ASIC2: variants seen among roughly 807,000 people sequenced by gnomAD.
The protein encoded by ASIC2 is acid-sensing ion channel 2.
ASIC2 carries 25 observed loss-of-function variants against 57.3 expected under a neutral mutation model. That is an observed-to-expected ratio of 0.44 (90% CI 0.32 to 0.61). The LOEUF (loss-of-function observed/expected upper bound fraction) is 0.61. Among genes scored for constraint, ASIC2 ranks in the 20% least tolerant of loss-of-function variants. The pLI, the probability that ASIC2 is intolerant of heterozygous loss-of-function variation, is 0.06. For synonymous variants in ASIC2, 319 were observed against 307.5 expected, an observed-to-expected ratio of 1.04 and a Z score of -0.39; for missense variants, 641 against 738.1, an observed-to-expected ratio of 0.87 and a Z score of 1.52.
intron 1 of ASIC2, among the ~76,000 whole-genome samples, chr17:33,571,105 C>T (rs1216749548): frequency 1.3e-5 from 2 of 152,152 alleles, no homozygotes; most frequent in African/African-American, 4.8e-5. Flanking sequence ...TAATCTCCCC[C>T]AGAAGCGTAC....
At chr17:33,904,906 C>G (rs1458624907) in intron 1 of ASIC2, among the ~76,000 whole-genome samples, 2 of 152,166 alleles carry the variant, frequency 1.3e-5, no homozygotes, top group African/African-American at 4.8e-5. Flanking sequence ...AGAAGGCTAA[C>G]AGCCTTAATT....
chr17:33,563,780 G>C (rs1666169707), intron 1 of ASIC2, among the ~76,000 whole-genome samples: 1 of 152,180 alleles, frequency 6.6e-6, no homozygotes, highest in Non-Finnish European at 1.5e-5. Context: ...CACATGGGGA[G>C]TGACTTGCCC....
chr17:33,358,573 A>T (rs1207734377), intron 1 of ASIC2, among the ~76,000 whole-genome samples: 1 of 152,346 alleles, frequency 6.6e-6, no homozygotes, highest in East Asian at 1.9e-4. Flanking sequence ...TGCACAATAC[A>T]TAAGCTTGGC....
At chr17:33,969,921 A>G (rs1905178436) in intron 1 of ASIC2, among the ~76,000 whole-genome samples, 1 of 152,090 alleles carries the variant, frequency 6.6e-6, no homozygotes, top group African/African-American at 2.4e-5. Context: ...ACTCTGGGCT[A>G]GGGGTCTGGG....
intron 1 of ASIC2, among the ~76,000 whole-genome samples, chr17:33,680,019 G>A (rs1461230524): frequency 6.6e-6 from 1 of 151,960 alleles, no homozygotes; most frequent in Non-Finnish European, 1.5e-5. Flanking sequence ...ATACTGGGGG[G>A]TACTGGGATA....
chr17:34,083,004 T>A (rs886825447), intron 1 of ASIC2, among the ~76,000 whole-genome samples: 5 of 149,398 alleles, frequency 3.3e-5, no homozygotes, highest in African/African-American at 1.3e-4. Context: ...TTCTTGTTTT[T>A]TTTTCCTTTG....
intron 1 of ASIC2, among the ~76,000 whole-genome samples, chr17:33,165,036 G>T (rs902475088): frequency 1.3e-5 from 2 of 152,164 alleles, no homozygotes; most frequent in African/African-American, 4.8e-5. Flanking sequence ...TGTATTAAAA[G>T]CTGTTTGAGG....
At chr17:33,930,768 A>T (rs1915913876) in intron 1 of ASIC2, among the ~76,000 whole-genome samples, 1 of 152,198 alleles carries the variant, frequency 6.6e-6, no homozygotes, top group Non-Finnish European at 1.5e-5. Context: ...GCCATGTGTG[A>T]GTCCAGGGAG....
In ASIC2 at chr17:34,122,823, G is replaced by A. The variant is rs530890238; in HGVS notation, c.555+33155C>T. Among the ~76,000 whole-genome samples the A allele has an allele frequency of 4.4e-3, 676 of 152,266 alleles. 7 individuals are homozygous for A. Among genetic ancestry groups the A allele is most frequent in the Middle Eastern group, 0.031 (9 of 294 alleles). On this transcript the variant is annotated intron_variant, in intron 1 of 9. Transcript: ENST00000359872. ...ATAAATCAATTTTCATCAGAGCAGC[G>A]CTCCTGACACCACCCTGACAAATCA...
chr17:33,727,244 A>G (rs897541920), intron 1 of ASIC2, among the ~76,000 whole-genome samples: 1 of 152,200 alleles, frequency 6.6e-6, no homozygotes, highest in Non-Finnish European at 1.5e-5. Context: ...ATTTTCCAGG[A>G]AAGTTCCAAG....
At chr17:33,859,634 G>A (rs552805278) in intron 1 of ASIC2, among the ~76,000 whole-genome samples, 18 of 152,310 alleles carry the variant, frequency 1.2e-4, no homozygotes. Flanking sequence ...AAGCGCTGGA[G>A]CTGGCAGTGA....
At chr17:33,402,673 T>A (rs972916761) in intron 1 of ASIC2, among the ~76,000 whole-genome samples, 40 of 152,222 alleles carry the variant, frequency 2.6e-4, no homozygotes, top group African/African-American at 9.6e-4. Flanking sequence ...ACATTGTCTT[T>A]ATCTAGTCTA....
At chr17:33,108,533 G>A (rs73982425) in intron 2 of ASIC2, among the ~76,000 whole-genome samples, 7,400 of 152,230 alleles carry the variant, frequency 0.049, 545 homozygotes, top group African/African-American at 0.16. Context: ...TCCTCAGGTG[G>A]CTTTACAGAC....
rs1908319876 is a variant in ASIC2, at chr17:33,690,155, C to A, written c.555+465823G>T. 2.0e-5 allele frequency among the ~76,000 whole-genome samples: 3 copies of A among 152,274 alleles called. No homozygotes were observed. The South Asian group carries it at 6.2e-4, about 32-fold the overall frequency. ...CACCTTGCTTTTTTAACTTAAAATT[C>A]TATTATAGAAATCTCTTCATATCAA... is the stretch of plus-strand genomic sequence containing the variant. On this transcript the variant is annotated intron_variant, in intron 1 of 9. Transcript: ENST00000359872.
At chr17:33,643,234 T>C (rs1906639198) in intron 1 of ASIC2, among the ~76,000 whole-genome samples, 1 of 152,194 alleles carries the variant, frequency 6.6e-6, no homozygotes, top group African/African-American at 2.4e-5. Flanking sequence ...CATTTTTTTC[T>C]TTCTGGGTGA....
intron 1 of ASIC2, among the ~76,000 whole-genome samples, chr17:34,045,873 T>G (rs1908317796): frequency 6.6e-6 from 1 of 152,348 alleles, no homozygotes; most frequent in South Asian, 2.1e-4. Flanking sequence ...TCTCTTTCCC[T>G]CAAAACTAGG....
intron 1 of ASIC2, among the ~76,000 whole-genome samples, chr17:33,594,616 C>T (rs1475168142): frequency 6.6e-6 from 1 of 152,034 alleles, no homozygotes; most frequent in African/African-American, 2.4e-5. Flanking sequence ...ATCACGAGAT[C>T]AGAAGATCGA....
intron 1 of ASIC2, among the ~76,000 whole-genome samples, chr17:33,218,246 C>G (rs149968387): frequency 6.6e-6 from 1 of 152,314 alleles, no homozygotes; most frequent in East Asian, 1.9e-4. Context: ...AATCTAGAAG[C>G]CTGGGTGGGG....
At chr17:33,086,538 G>A (rs1007285267) in intron 3 of ASIC2, among the ~76,000 whole-genome samples, 2 of 152,156 alleles carry the variant, frequency 1.3e-5, no homozygotes, top group Non-Finnish European at 2.9e-5. Flanking sequence ...ACAGAAGGGA[G>A]TGCTGACCGA....
Sources: gnomAD v4.1 joint callset for allele counts (sites outside exome capture counted in the v4.1 genomes callset) on GRCh38, gnomAD v4.1.1 for gene constraint, MANE v1.5 for transcripts, NCBI Gene and HGNC (gene_info 2026-07-23, HGNC 2026-07-21) for gene names.